Variants in SUCO observed in about 807,000 individuals in gnomAD.
The protein encoded by SUCO is SUN domain-containing ossification factor.
In SUCO, 57 loss-of-function variants were observed where a neutral mutation model predicts 148.1. The ratio of observed to expected loss-of-function variants is 0.38; its 90% CI spans 0.31 to 0.48. The LOEUF (loss-of-function observed/expected upper bound fraction) is 0.48, where lower values mean the gene tolerates loss of function less well. SUCO is among the 20% of genes least tolerant of loss of function. The pLI is 0.96. For missense variants in SUCO, 1,331 were observed against 1,468.2 expected (o/e 0.91, Z 1.53); for synonymous variants, 470 against 502.7 (o/e 0.93, Z 0.87).
intron 10 of SUCO, 139 bp downstream of exon 10, chr1:172,574,137 C>G (rs745476853): frequency 3.3e-6 from 2 of 606,874 alleles, no homozygotes; most frequent in African/African-American, 1.9e-5. Flanking sequence ...AACGATAATA[C>G]GACTGTATTG....
At chr1:172,590,768 A>T (rs902103767) in intron 18 of SUCO, among the ~76,000 whole-genome samples, 1 of 152,262 alleles carries the variant, frequency 6.6e-6, no homozygotes, top group East Asian at 1.9e-4. Flanking sequence ...ACCTGCTCTT[A>T]CTTTTCCCTA....
rs370101566 is a variant in SUCO, at chr1:172,572,462, G to A, written c.1050-1429G>A. 2.0e-5 allele frequency among the ~76,000 whole-genome samples: 3 copies of A among 152,002 alleles called. No homozygotes were observed. The South Asian group carries it at 6.2e-4, about 32-fold the overall frequency. On this transcript the variant is annotated intron_variant, in intron 9 of 23. Transcript: ENST00000263688. ...ACTCAGGGTTAAATGGATTAAGGGT[G>A]GTGCAAGATGTGCTTTGTTAAACAG...
rs142566935 is a variant in SUCO, at chr1:172,542,344, T to C, written c.62+8847T>C. Among the ~76,000 whole-genome samples, 1,161 of 152,164 alleles carry C rather than the reference T, an allele frequency of 7.6e-3. 16 individuals are homozygous for C. Among genetic ancestry groups the C allele is most frequent in the African/African-American group, 0.027 (1,104 of 41,504 alleles). ...TTGCGGTGAACCAAGATCGTGCCAT[T>C]GCACTCCAGCCTGGTCAACAAGAGC... On this transcript the variant is annotated intron_variant, in intron 1 of 23. Transcript: ENST00000263688.
At chr1:172,595,988 T>G (rs940408990) in intron 19 of SUCO, among the ~76,000 whole-genome samples, 5 of 152,232 alleles carry the variant, frequency 3.3e-5, no homozygotes, top group Admixed American at 3.3e-4. Context: ...TTTTACTCTT[T>G]TTTTCTCTAA....
chr1:172,601,702 G>C (rs771811122), intron 20 of SUCO, among the ~76,000 whole-genome samples: 29 of 152,124 alleles, frequency 1.9e-4, no homozygotes, highest in Non-Finnish European at 4.0e-4. Context: ...TATAAGATGG[G>C]AAAGACTGGG....
chr1:172,570,470 C>T, intron 8 of SUCO, 193 bp from the exon 9 acceptor site: 2 of 547,688 alleles, frequency 3.7e-6, no homozygotes, highest in Non-Finnish European at 6.5e-6. Flanking sequence ...ATCATTGTAA[C>T]ACTAATTTAA....
chr1:172,582,507 G>A (rs1200405802), intron 15 of SUCO, among the ~76,000 whole-genome samples: 1 of 152,112 alleles, frequency 6.6e-6, no homozygotes, highest in Non-Finnish European at 1.5e-5. Flanking sequence ...GAGGCGGGAT[G>A]AATAAGTTGC....
At chr1:172,565,669 G>A (rs1364696254) in intron 6 of SUCO, among the ~76,000 whole-genome samples, 1 of 152,142 alleles carries the variant, frequency 6.6e-6, no homozygotes, top group African/African-American at 2.4e-5. Flanking sequence ...ACACACTGGG[G>A]GGACCTCTCA....
upstream of SUCO, chr1:172,533,025 C>G (rs1339921432): frequency 7.7e-6 from 11 of 1,429,546 alleles, no homozygotes; most frequent in Middle Eastern, 2.6e-4. Flanking sequence ...GTGACGCGTC[C>G]CTTTCCAGCT....
In SUCO at chr1:172,588,743, G is replaced by T. The variant is rs767463377; in HGVS notation, c.1659-17G>T. The T allele has an allele frequency of 2.9e-6, 4 of 1,381,136 alleles. No individual in the cohort carries two copies. In the South Asian group the frequency reaches 8.8e-5, roughly 30 times the overall value. The allele number at this position is 1,381,136 out of a possible 1,614,324, so 85.6% of individuals were successfully genotyped here. A position where few individuals can be genotyped will look rare whatever the true frequency, so the allele number is the denominator to read the frequency against. On this transcript the variant is annotated splice_polypyrimidine_tract_variant and intron_variant, in intron 17 of 23. Transcript: ENST00000263688. ...TTCTAAGTAAGTGATTTATAATTAT[G>T]ATATATGTATTTCTAGGTATGTAAC...
At chr1:172,554,955 A>C (rs1653615747) in intron 3 of SUCO, among the ~76,000 whole-genome samples, 1 of 151,876 alleles carries the variant, frequency 6.6e-6, no homozygotes, top group Non-Finnish European at 1.5e-5. Flanking sequence ...GCGTGCCTCG[A>C]TGTTTGTTTG....
At chr1:172,575,856 A>G (rs1655398458) in intron 11 of SUCO, among the ~76,000 whole-genome samples, 2 of 151,862 alleles carry the variant, frequency 1.3e-5, no homozygotes, top group Admixed American at 6.6e-5. Flanking sequence ...CCCTGATAAA[A>G]TTCCAAATTA....
intron 21 of SUCO, 99 bp from the exon 22 acceptor site, chr1:172,602,597 A>G: frequency 1.3e-6 from 2 of 1,530,896 alleles, no homozygotes; most frequent in African/African-American, 1.4e-5. Context: ...CCCGTGTGGT[A>G]TGTACAGTTC....
At chr1:172,546,054 G>A (rs1652835419) in intron 1 of SUCO, among the ~76,000 whole-genome samples, 1 of 152,040 alleles carries the variant, frequency 6.6e-6, no homozygotes, top group Non-Finnish European at 1.5e-5. Flanking sequence ...TTCCACCTCA[G>A]CCTCCTGAGT....
chr1:172,557,855 A>G, intron 6 of SUCO, 61 bp downstream of exon 6: 1 of 1,300,614 alleles, frequency 7.7e-7, no homozygotes, highest in Admixed American at 2.5e-5. Context: ...GTTATTAGCT[A>G]AGCTTATAAT....
At position 172,589,765 on chromosome 1, in the gene SUCO, T is replaced by C. The variant is rs1400223959; in HGVS notation, c.2664T>C (p.Tyr888=). 1 of 1,612,066 alleles carries C rather than the reference T, an allele frequency of 6.2e-7. No individual in the cohort carries two copies. Among genetic ancestry groups the C allele is most frequent in the East Asian group, 2.2e-5 (1 of 44,876 alleles). Reference sequence around the variant, plus strand: ...TACAGAGGACAGCTACAGATTTTTATGCTGAATTGCAAAATTCTACAGATC... The same window carrying C: ...TACAGAGGACAGCTACAGATTTTTACGCTGAATTGCAAAATTCTACAGATC... The part of the protein sequence containing the change: ...RGLQRTATDF[Y]AELQNSTDLG... The change falls in exon 18 of 24, where the codon TAT becomes TAC. Residue 888 remains tyrosine (Y), a synonymous_variant. Transcript: ENST00000263688.
rs372152420 is a variant in SUCO, at chr1:172,589,603, C to T, written c.2502C>T (p.Pro834=). 7.1e-5 allele frequency: 115 copies of T among 1,613,748 alleles called. No homozygotes were observed. In the African/African-American group the frequency reaches 1.2e-3, roughly 17 times the overall value. ...IVPPINTATV[P]DNEDGEAKMN... ...CACCAATAAATACAGCCACTGTACC[C>T]GACAATGAAGATGGGGAAGCCAAAA... Residue 834 remains proline, a synonymous_variant, in exon 18 of 24, where the codon CCC becomes CCT. Transcript: ENST00000263688.
chr1:172,609,503 A>G lies in SUCO; in HGVS notation c.3322-313A>G, dbSNP rs12040743. On this transcript the variant is annotated intron_variant, in intron 23 of 23. Transcript: ENST00000263688. ...CGACCTTTCAGGGTTAATAGCTGCC[A>G]TAATACATGAAAGCAACCTGTATGC... The G allele has an allele frequency of 2.3e-5, 21 of 930,936 alleles. No homozygotes were observed. In the East Asian group the frequency reaches 2.2e-3, roughly 99 times the overall value. 57.7% of individuals were successfully genotyped at this position (930,936 alleles called of 1,614,324 possible).
chr1:172,591,157 G>A, intron 19 of SUCO, 86 bp downstream of exon 19: 2 of 1,013,692 alleles, frequency 2.0e-6, no homozygotes, highest in Non-Finnish European at 2.9e-6. Context: ...AAGTATTGTA[G>A]TTTCACTTTT....
Sources: gnomAD v4.1 joint callset for allele counts (sites outside exome capture counted in the v4.1 genomes callset) on GRCh38, gnomAD v4.1.1 for gene constraint, MANE v1.5 for transcripts, NCBI Gene and HGNC (gene_info 2026-07-23, HGNC 2026-07-21) for gene names.